DDX25: variants seen among roughly 807,000 people sequenced by gnomAD.
DDX25 encodes DEAD-box helicase 25, also known as ATP-dependent RNA helicase DDX25.
A neutral mutation model predicts 64.6 loss-of-function variants in DDX25; 70 were observed. That is an observed-to-expected ratio of 1.08 (90% confidence interval 0.89 to 1.32). The LOEUF is 1.32. DDX25 is among the 40% of genes most tolerant of loss of function. The probability of loss-of-function intolerance (pLI) is 0.00; values close to 1 mark genes in which losing one functional copy is unlikely to be tolerated. For missense variants in DDX25, 587 were observed against 604.4 expected (o/e 0.97, Z 0.30); for synonymous variants, 211 against 213.3 (o/e 0.99, Z 0.09).
intron 9 of DDX25, among the ~76,000 whole-genome samples, chr11:125,917,910 G>A (rs1007226719): frequency 1.3e-5 from 2 of 151,872 alleles, no homozygotes; most frequent in East Asian, 1.9e-4. Context: ...ACAGAGTCTC[G>A]CTCTGTTGCC....
At chr11:125,922,229 G>A (rs1345926621) in intron 11 of DDX25, 1 of 152,228 alleles carries the variant, frequency 6.6e-6, no homozygotes, top group Admixed American at 6.5e-5. Flanking sequence ...AGGTCCCATG[G>A]TTCAAATTGT....
chr11:125,904,878 C>T (rs1944859580), intron 1 of DDX25: 1 of 559,436 alleles, frequency 1.8e-6, no homozygotes, highest in East Asian at 3.1e-5. Flanking sequence ...CCCATTTGCC[C>T]ATTAAGCCTC....
chr11:125,904,697 C>T, intron 1 of DDX25, 117 bp downstream of exon 1: 1 of 1,192,292 alleles, frequency 8.4e-7, no homozygotes, highest in East Asian at 2.8e-5. Flanking sequence ...GCGTCAGATG[C>T]TGGAGGGGAG....
intron 3 of DDX25, 61 bp from the exon 4 acceptor site, chr11:125,906,013 G>A: frequency 1.3e-6 from 2 of 1,490,030 alleles, no homozygotes; most frequent in Non-Finnish European, 1.8e-6. Context: ...AAGAGAAAGA[G>A]CAACTTATTT....
intron 10 of DDX25, among the ~76,000 whole-genome samples, chr11:125,919,039 A>G (rs934625185): frequency 6.6e-6 from 1 of 152,160 alleles, no homozygotes; most frequent in African/African-American, 2.4e-5. Context: ...ACAGAATCAA[A>G]TCATACTGTA....
At position 125,917,193 on chromosome 11, in the gene DDX25, A is replaced by G. The variant is rs548080420; in HGVS notation, c.980A>G (p.Gln327Arg). 6.8e-6 allele frequency: 11 copies of G among 1,611,166 alleles called. 1 individual carries two copies. The African/African-American group carries it at 1.3e-4, about 20-fold the overall frequency. Reference sequence around the variant, plus strand: ...TGTGAGCACAGGAAAGACAAATACCAAGCTCTGTGCAACATTTATGGCAGC... The same window carrying G: ...TGTGAGCACAGGAAAGACAAATACCGAGCTCTGTGCAACATTTATGGCAGC... The part of the protein sequence containing the change: ...VLCEHRKDKY[Q>R]ALCNIYGSIT... Residue 327 changes from glutamine (Q) to arginine (R), a missense_variant, in exon 9 of 12, where the codon CAA (glutamine) becomes CGA (arginine). Gln to Arg is a conservative substitution (Grantham distance 43). Transcript: ENST00000263576.
chr11:125,910,409 C>T lies in DDX25; in HGVS notation c.553C>T (p.Arg185Cys), dbSNP rs778609879. 6.2e-6 allele frequency: 10 copies of T among 1,613,830 alleles called. No individual in the cohort carries two copies. Among genetic ancestry groups the T allele is most frequent in the African/African-American group, 4.0e-5 (3 of 74,898 alleles). ...TTATGAATTGGCTCTGCAAACTGGCCGTGTGGTTGAGCAGATGGGAAAATT... is the reference window on the plus strand; with the variant it reads ...TTATGAATTGGCTCTGCAAACTGGCTGTGTGGTTGAGCAGATGGGAAAATT... ...PTYELALQTG[R>C]VVEQMGKFCV... Residue 185 changes from arginine (R) to cysteine (C), a missense_variant, in exon 7 of 12, where the codon CGT becomes TGT. Coordinates refer to ENST00000263576, the MANE Select transcript of DDX25 (RefSeq NM_013264.5).
In DDX25 at chr11:125,921,347, T is replaced by C; in HGVS notation, c.1358T>C (p.Leu453Pro). 6.2e-7 allele frequency: 1 copy of C among 1,613,874 alleles called. No individual in the cohort carries two copies. ...LAFNMIEVDE[L>P]PSLMKIQDHF... ...TTCAACATGATTGAAGTAGATGAGC[T>C]GCCCTCGCTCATGAAAATCCAGGAC... is the stretch of plus-strand genomic sequence containing the variant. Residue 453 changes from leucine (L) to proline (P), a missense_variant, in exon 11 of 12, where the codon CTG (leucine) becomes CCG (proline). Leu to Pro is a moderately conservative substitution (Grantham distance 98, BLOSUM62 -3). Coordinates refer to ENST00000263576, the MANE Select transcript of DDX25 (RefSeq NM_013264.5). The surrounding 1 kb of genome is among the most constrained non-coding windows in gnomAD (Gnocchi z 4.1).
chr11:125,915,215 A>C (rs2134280594), intron 8 of DDX25, among the ~76,000 whole-genome samples: 1 of 152,356 alleles, frequency 6.6e-6, no homozygotes, highest in East Asian at 1.9e-4. Context: ...CCATTGTTAT[A>C]GTCTTCCTTC....
intron 8 of DDX25, among the ~76,000 whole-genome samples, chr11:125,912,508 G>T (rs1944979489): frequency 6.6e-6 from 1 of 152,164 alleles, no homozygotes; most frequent in African/African-American, 2.4e-5. Flanking sequence ...AAATGTTGTA[G>T]TATTTGCATG....
rs1945186978 is a variant in DDX25 at position 125,928,567 on chromosome 11, T to C, written c.*5686T>C. On this transcript the variant is annotated 3_prime_UTR_variant, in exon 12 of 12. Coordinates refer to ENST00000263576, the MANE Select transcript of DDX25 (RefSeq NM_013264.5). ...TACATTGCATTCAGTAGACTGGCTA[T>C]ACCAATATATAGTTGCACAGCAAAT... 6.6e-6 allele frequency: 1 copy of C among 152,272 alleles called. No individual in the cohort carries two copies. The highest frequency in any genetic ancestry group is 1.5e-5 in the Non-Finnish European group (1 of 68,052). The allele number at this position is 152,272 out of a possible 1,614,324, so 9.4% of individuals were successfully genotyped here.
At chr11:125,918,927 A>C in intron 10 of DDX25, 137 bp downstream of exon 10, 36 of 1,082,708 alleles carry the variant, frequency 3.3e-5, no homozygotes, top group Non-Finnish European at 4.2e-5. Flanking sequence ...GAGCATCTCC[A>C]TCTCCCCAGT....
Position 125,905,274 on chromosome 11 carries a change from C to T in DDX25, c.126C>T (p.Asn42=). Residue 42 remains asparagine (N), a synonymous_variant, in exon 2 of 12, where the codon AAC becomes AAT. Transcript: ENST00000263576. ...GTATTAAGAGTACTGCAGTCCGAAA[C>T]ATAGGTGAGTGCTGTTAGGGCAAAG... is the stretch of plus-strand genomic sequence containing the variant. ...LWGIKSTAVR[N]IDGSINNINE... 1 of 1,551,678 alleles carries T rather than the reference C, an allele frequency of 6.4e-7. No individual in the cohort carries two copies. The highest frequency in any genetic ancestry group is 1.4e-5 in the African/African-American group (1 of 73,186).
chr11:125,907,607 CA>C (rs35864915), intron 4 of DDX25, among the ~76,000 whole-genome samples: 70 of 145,174 alleles, frequency 4.8e-4, no homozygotes, highest in Middle Eastern at 3.5e-3. Flanking sequence ...GACTCCGTCT[CA>C]AAAAAAAAAA....
chr11:125,904,766 A>T (rs1238851068), intron 1 of DDX25, 186 bp downstream of exon 1: 1 of 736,092 alleles, frequency 1.4e-6, no homozygotes, highest in East Asian at 2.9e-5. Context: ...CCCCCACGAG[A>T]GGCAAGACCT....
chr11:125,922,813 C>T lies in DDX25; in HGVS notation c.1391-7C>T. 1 of 1,604,554 alleles carries T rather than the reference C, an allele frequency of 6.2e-7. No individual in the cohort carries two copies. ...GAGACTAGTTCTGTTCTCTTTTGTT[C>T]TTTTAGACAGCAGTATTAAGCAACT... On this transcript the variant is annotated splice_region_variant and splice_polypyrimidine_tract_variant and intron_variant, in intron 11 of 11. Transcript: ENST00000263576.
At position 125,917,025 on chromosome 11, in the gene DDX25, C is replaced by T. The variant is rs1945047284; in HGVS notation, c.812C>T (p.Ser271Phe). 6.3e-7 allele frequency: 1 copy of T among 1,594,672 alleles called. No individual in the cohort carries two copies. The highest frequency in any genetic ancestry group is 1.1e-5 in the South Asian group (1 of 87,130). The change falls in exon 9 of 12, where the codon TCC becomes TTC. Residue 271 changes from serine (S) to phenylalanine (F), a missense_variant. Ser to Phe is a radical substitution (Grantham distance 155). Coordinates refer to ENST00000263576, the MANE Select transcript of DDX25 (RefSeq NM_013264.5). Reference protein sequence around the residue: ...HSIRIQRALPSECQMLLFSAT... With the variant: ...HSIRIQRALPFECQMLLFSAT... ...CTCCTCTATCACAGAGCTCTACCCT[C>T]CGAATGCCAAATGCTCCTCTTTTCA...
rs1253479504 is a variant in DDX25 at position 125,911,445 on chromosome 11, A to T, written c.757A>T (p.Ile253Phe). 8.1e-6 allele frequency: 13 copies of T among 1,613,932 alleles called. No individual in the cohort carries two copies. Among genetic ancestry groups the T allele is most frequent in the Non-Finnish European group, 1.1e-5 (13 of 1,179,866 alleles). ...TGTCCTGGATGAAGCAGATGTGATGATTGACACTCAAGGATTCTCAGATCA... is the reference window on the plus strand; with the variant it reads ...TGTCCTGGATGAAGCAGATGTGATGTTTGACACTCAAGGATTCTCAGATCA... ...VFVLDEADVM[I>F]DTQGFSDHSI... Residue 253 changes from isoleucine to phenylalanine, a missense_variant, in exon 8 of 12, where the codon ATT (isoleucine) becomes TTT (phenylalanine). Physicochemically the swap from Ile to Phe is conservative, Grantham distance 21. Transcript: ENST00000263576.
At position 125,922,936 on chromosome 11, in the gene DDX25, G is replaced by A; in HGVS notation, c.*55G>A. ...CTAGTTTATGTGAGAATGTCTCAGT[G>A]GGTTTTGAAGGTAATTTTTTTATGT... On this transcript the variant is annotated 3_prime_UTR_variant, in exon 12 of 12. Transcript: ENST00000263576. The A allele has an allele frequency of 1.3e-6, 2 of 1,486,024 alleles. No individual in the cohort carries two copies. The highest frequency in any genetic ancestry group is 2.6e-5 in the South Asian group (2 of 77,486). 92.1% of individuals were successfully genotyped at this position (1,486,024 alleles called of 1,614,324 possible). A position where few individuals can be genotyped will look rare whatever the true frequency, so the allele number is the denominator to read the frequency against.
Sources: gnomAD v4.1 joint callset for allele counts (sites outside exome capture counted in the v4.1 genomes callset) on GRCh38, gnomAD v4.1.1 for gene constraint, Gnocchi (gnomAD v3.1) non-coding constraint, MANE v1.5 for transcripts, NCBI Gene and HGNC (gene_info 2026-07-23, HGNC 2026-07-21) for gene names.